IMMP2L: variants seen among roughly 807,000 people sequenced by gnomAD.
IMMP2L encodes the protein mitochondrial inner membrane protease subunit 2.
A neutral mutation model predicts 19.3 loss-of-function variants in IMMP2L; 18 were observed. That is an observed-to-expected ratio of 0.93 (90% confidence interval 0.64 to 1.38). The LOEUF (loss-of-function observed/expected upper bound fraction) is 1.38, where lower values mean the gene tolerates loss of function less well. IMMP2L is among the 40% of genes most tolerant of loss of function. The pLI, the probability that IMMP2L is intolerant of heterozygous loss-of-function variation, is 0.00. For missense variants in IMMP2L, 233 were observed against 218.2 expected, an observed-to-expected ratio of 1.07 and a Z score of -0.43; for synonymous variants, 76 against 73.0, an observed-to-expected ratio of 1.04 and a Z score of -0.21.
chr7:111,042,767 A>G (rs748935879), intron 3 of IMMP2L, among the ~76,000 whole-genome samples: 29 of 152,262 alleles, frequency 1.9e-4, no homozygotes, highest in Middle Eastern at 3.4e-3. Flanking sequence ...GAAGCTTACA[A>G]CTTTCAACCT....
intron 3 of IMMP2L, among the ~76,000 whole-genome samples, chr7:111,333,550 T>C (rs1054215248): frequency 2.0e-5 from 3 of 152,056 alleles, no homozygotes; most frequent in Admixed American, 1.3e-4. Flanking sequence ...GATTGTAATA[T>C]TGATTGGATT....
rs1398037167 is a variant in IMMP2L at position 111,130,998 on chromosome 7, CTTA to C, written c.240-167436_240-167434del. The stretch of plus-strand genomic sequence containing the variant: ...AGTACAGAACTTTCATATTAAATCA[CTTA>C]TTTTTTCAAGATTTTAAAAAAAATT... On this transcript the variant is annotated intron_variant, in intron 3 of 5. Transcript: ENST00000405709. 2.6e-5 allele frequency among the ~76,000 whole-genome samples: 4 copies of C among 151,962 alleles called. No homozygotes were observed. The East Asian group carries it at 7.7e-4, about 29-fold the overall frequency.
At chr7:111,202,063 G>C (rs886289649) in intron 3 of IMMP2L, among the ~76,000 whole-genome samples, 2 of 152,166 alleles carry the variant, frequency 1.3e-5, no homozygotes, top group Admixed American at 1.3e-4. Flanking sequence ...CCCATCTTTT[G>C]AAAAGTAGCT....
At chr7:111,104,813 T>C (rs1471503601) in intron 3 of IMMP2L, among the ~76,000 whole-genome samples, 2 of 151,740 alleles carry the variant, frequency 1.3e-5, no homozygotes, top group Non-Finnish European at 2.9e-5. Flanking sequence ...TCGCATCTCA[T>C]TGGAAGCAGG....
At chr7:110,832,548 A>T (rs1804067218) in intron 5 of IMMP2L, among the ~76,000 whole-genome samples, 1 of 152,092 alleles carries the variant, frequency 6.6e-6, no homozygotes, top group African/African-American at 2.4e-5. Flanking sequence ...CTGTAGCTTT[A>T]CTTGGCCTGG....
chr7:110,830,931 C>T (rs1803919953), intron 5 of IMMP2L, among the ~76,000 whole-genome samples: 1 of 152,146 alleles, frequency 6.6e-6, no homozygotes, highest in African/African-American at 2.4e-5. Flanking sequence ...TAGAACAACT[C>T]AAGTCTATTA....
At chr7:110,692,004 T>G (rs1216800280) in intron 5 of IMMP2L, among the ~76,000 whole-genome samples, 1 of 152,148 alleles carries the variant, frequency 6.6e-6, no homozygotes, top group African/African-American at 2.4e-5. Flanking sequence ...GACATCTGCA[T>G]ACAAATGTTT....
intron 4 of IMMP2L, among the ~76,000 whole-genome samples, chr7:110,904,171 G>A (rs1271312845): frequency 6.6e-6 from 1 of 152,078 alleles, no homozygotes; most frequent in Non-Finnish European, 1.5e-5. Context: ...CAGATATATA[G>A]TTTGTAAATA....
chr7:110,753,318 A>G lies in IMMP2L; in HGVS notation c.409-89597T>C, dbSNP rs77182284. ...ATTAGAAAAGGGAATAGAGGTAAGT[A>G]TGGATGACCCACGGTGGCTTCCTTT... is the stretch of plus-strand genomic sequence containing the variant. On this transcript the variant is annotated intron_variant, in intron 5 of 5. Coordinates refer to ENST00000405709, the MANE Select transcript of IMMP2L (RefSeq NM_032549.4). Among the ~76,000 whole-genome samples the G allele has an allele frequency of 2.9e-3, 435 of 152,184 alleles. 4 individuals carry two copies. Among genetic ancestry groups the G allele is most frequent in the East Asian group, 0.018 (94 of 5,174 alleles).
At chr7:111,350,992 T>C (rs748522745) in intron 3 of IMMP2L, among the ~76,000 whole-genome samples, 3 of 152,164 alleles carry the variant, frequency 2.0e-5, no homozygotes, top group Non-Finnish European at 4.4e-5. Flanking sequence ...GAGATGAAAG[T>C]ACAATGCAAA....
chr7:111,494,445 CTCTG>C (rs748968012), intron 2 of IMMP2L, among the ~76,000 whole-genome samples: 2 of 152,170 alleles, frequency 1.3e-5, no homozygotes, highest in Non-Finnish European at 2.9e-5. Flanking sequence ...GGTAAATATT[CTCTG>C]TCTGTCTCTC....
chr7:111,322,908 T>C lies in IMMP2L; in HGVS notation c.239+164330A>G, dbSNP rs117490173. Among the ~76,000 whole-genome samples, 51 of 151,936 alleles carry C rather than the reference T, an allele frequency of 3.4e-4. No individual in the cohort carries two copies. The East Asian group carries it at 4.8e-3, about 14-fold the overall frequency. On this transcript the variant is annotated intron_variant, in intron 3 of 5. Coordinates refer to ENST00000405709, the MANE Select transcript of IMMP2L (RefSeq NM_032549.4). ...AGCCTACGTCTCCCAGCTTTGTTCA[T>C]AGCATTAAATACTTACATAATTTTT...
intron 3 of IMMP2L, among the ~76,000 whole-genome samples, chr7:110,996,625 T>C (rs973334983): frequency 3.0e-4 from 45 of 152,152 alleles, no homozygotes; most frequent in African/African-American, 1.0e-3. Context: ...GAATAGGATA[T>C]TTAAAATCCT....
chr7:110,677,586 A>G (rs1792404874), intron 5 of IMMP2L, among the ~76,000 whole-genome samples: 2 of 152,184 alleles, frequency 1.3e-5, no homozygotes. Flanking sequence ...GCACTGACTG[A>G]TATGCACTCA....
intron 5 of IMMP2L, among the ~76,000 whole-genome samples, chr7:110,787,572 T>C (rs1006832481): frequency 1.3e-5 from 2 of 151,858 alleles, no homozygotes; most frequent in Non-Finnish European, 2.9e-5. Context: ...TCCCCAGGAG[T>C]CTCAAAGTGA....
At chr7:111,491,241 A>C (rs1843073122) in intron 2 of IMMP2L, among the ~76,000 whole-genome samples, 1 of 152,168 alleles carries the variant, frequency 6.6e-6, no homozygotes. Flanking sequence ...ATATGTGTTA[A>C]TCTCACTGTT....
chr7:111,392,750 G>T (rs547343996), intron 3 of IMMP2L: 28 of 456,486 alleles, frequency 6.1e-5, no homozygotes, highest in Non-Finnish European at 1.1e-4. Flanking sequence ...CTCACTTCAG[G>T]TTCAGTAATT....
At chr7:111,461,932 G>C (rs1027607332) in intron 3 of IMMP2L, among the ~76,000 whole-genome samples, 1 of 151,762 alleles carries the variant, frequency 6.6e-6, no homozygotes, top group Non-Finnish European at 1.5e-5. Context: ...TTTAAAAGTA[G>C]GCTATAAGAT....
intron 3 of IMMP2L, among the ~76,000 whole-genome samples, chr7:111,117,156 C>A (rs1799978571): frequency 6.6e-6 from 1 of 151,892 alleles, no homozygotes; most frequent in Non-Finnish European, 1.5e-5. Context: ...TGGCATGGGA[C>A]TAGAGTATTG....
Sources: gnomAD v4.1 joint callset for allele counts (sites outside exome capture counted in the v4.1 genomes callset) on GRCh38, gnomAD v4.1.1 for gene constraint, MANE v1.5 for transcripts, NCBI Gene and HGNC (gene_info 2026-07-23, HGNC 2026-07-21) for gene names.